Variants in LRP1B observed in about 807,000 individuals in gnomAD.
LRP1B encodes LDL receptor related protein 1B, also known as low-density lipoprotein receptor-related protein 1B.
A neutral mutation model predicts 556.6 loss-of-function variants in LRP1B; 217 were observed. That is an observed-to-expected ratio of 0.39 (90% CI 0.35 to 0.44). The LOEUF (loss-of-function observed/expected upper bound fraction) is 0.44. Among genes scored for constraint, LRP1B ranks in the 20% least tolerant of loss-of-function variants. The probability of loss-of-function intolerance (pLI) is 1.00; values close to 1 mark genes in which losing one functional copy is unlikely to be tolerated. For synonymous variants in LRP1B, 2,047 were observed against 1,865.8 expected (o/e 1.10, Z -2.50); for missense variants, 5,053 against 5,620.8 (o/e 0.90, Z 3.23).
intron 43 of LRP1B, among the ~76,000 whole-genome samples, chr2:140,583,720 CTTAT>C (rs1681872120): frequency 1.3e-5 from 2 of 151,888 alleles, no homozygotes; most frequent in East Asian, 1.9e-4. Flanking sequence ...CTTTTGATGA[CTTAT>C]TTATTATTAT....
At chr2:141,423,274 T>C (rs1490751370) in intron 3 of LRP1B, among the ~76,000 whole-genome samples, 1 of 144,384 alleles carries the variant, frequency 6.9e-6, no homozygotes, top group African/African-American at 2.6e-5. Flanking sequence ...GCCCTCTCAC[T>C]AGGCAACAGC....
rs193065816 is a variant in LRP1B at position 142,101,421 on chromosome 2, A to T, written c.82+29227T>A. 9.7e-4 allele frequency among the ~76,000 whole-genome samples: 147 copies of T among 152,152 alleles called. 2 individuals carry two copies. Among genetic ancestry groups the T allele is most frequent in the Admixed American group, 9.5e-3 (145 of 15,226 alleles). The stretch of plus-strand genomic sequence containing the variant: ...CATGTTAGTATGTCTATCTCTCTGC[A>T]TATGTTACGTATATTTTGATATAAA... On this transcript the variant is annotated intron_variant, in intron 1 of 90. Transcript: ENST00000389484.
chr2:141,776,852 G>A (rs994061018), intron 2 of LRP1B, among the ~76,000 whole-genome samples: 1 of 152,112 alleles, frequency 6.6e-6, no homozygotes, highest in Non-Finnish European at 1.5e-5. Context: ...GATTATAACA[G>A]CTTCCATTTA....
At chr2:141,386,206 C>A (rs1472090781) in intron 3 of LRP1B, among the ~76,000 whole-genome samples, 1 of 152,112 alleles carries the variant, frequency 6.6e-6, no homozygotes, top group Non-Finnish European at 1.5e-5. Flanking sequence ...GGTCCCATCT[C>A]CAAGATATCT....
chr2:141,314,173 G>A lies in LRP1B; in HGVS notation c.344-59532C>T, dbSNP rs185647528. Reference sequence around the variant, plus strand: ...AAATAAAAATATACTCGCATGCCTCGTCAGCAAATTAGGGTTTAAAGATAT... The same window carrying A: ...AAATAAAAATATACTCGCATGCCTCATCAGCAAATTAGGGTTTAAAGATAT... On this transcript the variant is annotated intron_variant, in intron 3 of 90. Transcript: ENST00000389484. Among the ~76,000 whole-genome samples the A allele has an allele frequency of 4.4e-3, 673 of 152,128 alleles. 7 individuals carry two copies. The highest frequency in any genetic ancestry group is 7.3e-3 in the Non-Finnish European group (495 of 67,990).
chr2:141,236,613 G>T (rs1452710850), intron 5 of LRP1B, among the ~76,000 whole-genome samples: 1 of 152,138 alleles, frequency 6.6e-6, no homozygotes, highest in Non-Finnish European at 1.5e-5. Flanking sequence ...AAATGGTAGA[G>T]TATAATTTTA....
At chr2:142,062,305 G>T (rs988511837) in intron 1 of LRP1B, among the ~76,000 whole-genome samples, 4 of 151,816 alleles carry the variant, frequency 2.6e-5, no homozygotes, top group Non-Finnish European at 2.9e-5. Context: ...ACCTCTAAAA[G>T]TTGCAGCACA....
At chr2:141,327,953 A>C (rs192803638) in intron 3 of LRP1B, among the ~76,000 whole-genome samples, 1 of 152,280 alleles carries the variant, frequency 6.6e-6, no homozygotes, top group East Asian at 1.9e-4. Flanking sequence ...TAATGTGATA[A>C]TTTAAAAATG....
intron 3 of LRP1B, among the ~76,000 whole-genome samples, chr2:141,421,829 T>A (rs530475852): frequency 6.6e-6 from 1 of 152,182 alleles, no homozygotes; most frequent in Non-Finnish European, 1.5e-5. Flanking sequence ...AACGTACCAA[T>A]GATCTCATTT....
At chr2:140,442,238 A>G (rs1686460589) in intron 66 of LRP1B, among the ~76,000 whole-genome samples, 1 of 152,174 alleles carries the variant, frequency 6.6e-6, no homozygotes, top group Admixed American at 6.5e-5. Flanking sequence ...CTAATATAAG[A>G]AGATAATGGT....
intron 41 of LRP1B, among the ~76,000 whole-genome samples, chr2:140,628,669 T>C (rs1394443883): frequency 6.6e-6 from 1 of 152,160 alleles, no homozygotes; most frequent in African/African-American, 2.4e-5. Flanking sequence ...CAAATTATCA[T>C]TTATATTGTT....
chr2:140,546,021 T>TGC (rs1368229742), intron 43 of LRP1B, among the ~76,000 whole-genome samples: 1 of 151,426 alleles, frequency 6.6e-6, no homozygotes, highest in Non-Finnish European at 1.5e-5. Context: ...TGTGTGTGTG[T>TGC]GTGTGTGTGT....
chr2:140,958,199 A>C (rs1208082541), intron 18 of LRP1B, among the ~76,000 whole-genome samples: 3 of 151,676 alleles, frequency 2.0e-5, no homozygotes, highest in East Asian at 1.9e-4. Flanking sequence ...AACAAACAAC[A>C]GGATTAGATC....
chr2:140,322,996 A>G (rs1680235168), intron 81 of LRP1B, among the ~76,000 whole-genome samples: 1 of 152,046 alleles, frequency 6.6e-6, no homozygotes, highest in African/African-American at 2.4e-5. Context: ...GAGCAGCAAG[A>G]CTTTGGATAA....
chr2:142,046,634 T>G (rs1416141016), intron 1 of LRP1B, among the ~76,000 whole-genome samples: 2 of 151,938 alleles, frequency 1.3e-5, no homozygotes, highest in Admixed American at 1.3e-4. Context: ...CCTGGCACAT[T>G]ATAGGCACTA....
chr2:142,055,071 G>T (rs1273237836), intron 1 of LRP1B, among the ~76,000 whole-genome samples: 1 of 152,134 alleles, frequency 6.6e-6, no homozygotes, highest in Non-Finnish European at 1.5e-5. Flanking sequence ...GCTTGCGTAT[G>T]TCGGTAACCA....
At chr2:141,255,042 T>C (rs1416951141) in intron 3 of LRP1B, among the ~76,000 whole-genome samples, 2 of 152,106 alleles carry the variant, frequency 1.3e-5, no homozygotes, top group Admixed American at 1.3e-4. Context: ...GTAACCTTCA[T>C]AGCAATCAAT....
intron 32 of LRP1B, among the ~76,000 whole-genome samples, chr2:140,809,374 C>A (rs1331897460): frequency 1.3e-5 from 2 of 152,010 alleles, no homozygotes; most frequent in East Asian, 3.9e-4. Flanking sequence ...TTCCTTATGG[C>A]AAAAATAAGT....
At chr2:140,739,581 G>A (rs949497717) in intron 35 of LRP1B, among the ~76,000 whole-genome samples, 1 of 152,098 alleles carries the variant, frequency 6.6e-6, no homozygotes, top group African/African-American at 2.4e-5. Context: ...ACCACATACT[G>A]AGTTTCTTAT....
Sources: gnomAD v4.1 joint callset for allele counts (sites outside exome capture counted in the v4.1 genomes callset) on GRCh38, gnomAD v4.1.1 for gene constraint, MANE v1.5 for transcripts, NCBI Gene and HGNC (gene_info 2026-07-23, HGNC 2026-07-21) for gene names.